The following CTSA variants were observed in gnomAD, a reference collection of about 807,000 sequenced individuals.
The protein encoded by CTSA is lysosomal protective protein.
A neutral mutation model predicts 66.7 loss-of-function variants in CTSA; 42 were observed. The ratio of observed to expected loss-of-function variants is 0.63; its 90% CI spans 0.49 to 0.81. CTSA has a LOEUF of 0.81. Among genes scored for constraint, CTSA ranks in the 40% least tolerant of loss-of-function variants. CTSA has a pLI of 0.00. For missense variants in CTSA, 525 were observed against 610.9 expected (o/e 0.86, Z 1.48); for synonymous variants, 225 against 248.6 (o/e 0.91, Z 0.89).
In CTSA at chr20:45,898,650, A is replaced by T; in HGVS notation, c.*200A>T. On this transcript the variant is annotated 3_prime_UTR_variant, in exon 15 of 15. Coordinates refer to ENST00000646241, the MANE Select transcript of CTSA (RefSeq NM_000308.4). The surrounding 1 kb of genome is among the most constrained non-coding windows in gnomAD (Gnocchi z 4.6). ...GGGCAAGTTAGCACTTTATTCCCGCAGCAGTTCCTGAATGGGGTGGCCTGG... is the reference window on the plus strand; with the variant it reads ...GGGCAAGTTAGCACTTTATTCCCGCTGCAGTTCCTGAATGGGGTGGCCTGG... 1 of 692,446 alleles carries T rather than the reference A, an allele frequency of 1.4e-6. No homozygotes were observed. The highest frequency in any genetic ancestry group is 1.6e-5 in the South Asian group (1 of 61,260). The allele number at this position is 692,446 out of a possible 1,614,324, so 42.9% of individuals were successfully genotyped here.
In CTSA at chr20:45,893,916, G is replaced by C; in HGVS notation, c.693-72G>C. On this transcript the variant is annotated intron_variant, in intron 7 of 14. Coordinates refer to ENST00000646241, the MANE Select transcript of CTSA (RefSeq NM_000308.4). ...GTCAGGGAGGTTGGTGGGAGGTGGG[G>C]GGTATGCTCGCCTCCTCTGCCTTCC... 3 of 905,864 alleles carry C rather than the reference G, an allele frequency of 3.3e-6. No individual in the cohort carries two copies. In the South Asian group the frequency reaches 3.9e-5, roughly 12 times the overall value. 56.1% of individuals were successfully genotyped at this position (905,864 alleles called of 1,614,324 possible).
intron 11 of CTSA, 72 bp downstream of exon 11, chr20:45,895,205 A>G: frequency 6.3e-7 from 1 of 1,582,192 alleles, no homozygotes; most frequent in Non-Finnish European, 8.7e-7. Flanking sequence ...CAGGTTTCTC[A>G]GGGATCTTCT....
At chr20:45,895,250 A>T in intron 11 of CTSA, 117 bp downstream of exon 11, 10 of 1,188,984 alleles carry the variant, frequency 8.4e-6, no homozygotes, top group East Asian at 7.3e-5. Context: ...GCTGTAGAGG[A>T]TGTTTAACAT....
rs1160748796 is a variant in CTSA, at chr20:45,898,264, G to A, written c.1360-103G>A. 7.5e-7 allele frequency: 1 copy of A among 1,335,858 alleles called. No individual in the cohort carries two copies. Among genetic ancestry groups the A allele is most frequent in the Non-Finnish European group, 1.1e-6 (1 of 947,644 alleles). The allele number at this position is 1,335,858 out of a possible 1,614,324, so 82.8% of individuals were successfully genotyped here. On this transcript the variant is annotated intron_variant, in intron 14 of 14. Coordinates refer to ENST00000646241, the MANE Select transcript of CTSA (RefSeq NM_000308.4). The surrounding 1 kb of genome is among the most constrained non-coding windows in gnomAD (Gnocchi z 4.6). ...TTTGGAGAGGGGTGGGGAGGGTTCT[G>A]GGAAGAATAAAGGGTTTGGGATGAA...
rs2083117659 is a variant in CTSA, at chr20:45,897,013, C to T, written c.1137C>T (p.Ser379=). ...QYRRLYRSMN[S]QYLKLLSSQK... ...GCCGTCTCTACCGAAGCATGAACTC[C>T]CAGTATCTGAAGCTGCTTAGCTCAC... The change falls in exon 12 of 15, where the codon TCC becomes TCT. Residue 379 remains serine (S), a synonymous_variant. Transcript: ENST00000646241. The T allele has an allele frequency of 1.2e-6, 2 of 1,613,926 alleles. No homozygotes were observed. The highest frequency in any genetic ancestry group is 1.7e-5 in the Admixed American group (1 of 60,002).
chr20:45,894,206 C>G (rs1442007852), intron 8 of CTSA, 134 bp downstream of exon 8: 2 of 746,186 alleles, frequency 2.7e-6, no homozygotes, highest in Non-Finnish European at 4.8e-6. Context: ...TTAGTGTTCT[C>G]TGGGACATGT....
intron 8 of CTSA, 137 bp from the exon 9 acceptor site, chr20:45,894,513 G>A (rs1351611731): frequency 7.6e-6 from 6 of 793,760 alleles, no homozygotes; most frequent in African/African-American, 6.7e-5. Context: ...TCCTGCCACT[G>A]AGCCTCAGTT....
At position 45,895,194 on chromosome 20, in the gene CTSA, G is replaced by C. The variant is rs141045499; in HGVS notation, c.1088+61G>C. 592 of 1,606,038 alleles carry C rather than the reference G, an allele frequency of 3.7e-4. 6 individuals carry two copies. The East Asian group carries it at 9.6e-3, about 26-fold the overall frequency. On this transcript the variant is annotated intron_variant, in intron 11 of 14. Transcript: ENST00000646241. ...GGGTTGCTGGGGCTTGTGGGCATCGGCAGGTTTCTCAGGGATCTTCTGTGT... is the reference window on the plus strand; with the variant it reads ...GGGTTGCTGGGGCTTGTGGGCATCGCCAGGTTTCTCAGGGATCTTCTGTGT...
Position 45,898,100 on chromosome 20 carries a change from C to G in CTSA, c.1350C>G (p.Leu450=), listed in dbSNP as rs1254398044. 5.6e-6 allele frequency: 9 copies of G among 1,613,844 alleles called. No individual in the cohort carries two copies. The Admixed American group carries it at 1.5e-4, about 27-fold the overall frequency. The change falls in exon 14 of 15, where the codon CTC becomes CTG. Residue 450 remains leucine, a synonymous_variant. Transcript: ENST00000646241. This position sits in a 1 kb window ranked among gnomAD's most constrained non-coding sequence, Gnocchi z 4.6. Reference sequence around the variant, plus strand: ...AGGAGTTCTCCCACATCGCCTTTCTCACGATCAAGGTAGGGACTGGGCCTG... The same window carrying G: ...AGGAGTTCTCCCACATCGCCTTTCTGACGATCAAGGTAGGGACTGGGCCTG... ...FVKEFSHIAF[L]TIKGAGHMVP... is the part of the protein sequence containing the mutation.
chr20:45,893,162 G>T, intron 6 of CTSA, 58 bp from the exon 7 acceptor site: 3 of 1,442,956 alleles, frequency 2.1e-6, no homozygotes, highest in Non-Finnish European at 2.9e-6. Context: ...GTGGTAGGGT[G>T]AGGGAGGCTC....
At chr20:45,892,996 C>CCA in intron 6 of CTSA, 116 bp downstream of exon 6, 1 of 1,240,322 alleles carries the variant, frequency 8.1e-7, no homozygotes, top group Non-Finnish European at 1.2e-6. Flanking sequence ...CATAACCTCC[C>CCA]CACCACCGGC....
At chr20:45,897,694 A>G in intron 12 of CTSA, 23 bp from the exon 13 acceptor site, 2 of 1,498,108 alleles carry the variant, frequency 1.3e-6, no homozygotes, top group Non-Finnish European at 1.9e-6. Context: ...CACACCCCTC[A>G]TTTTTACCCC....
chr20:45,893,470 C>T, intron 7 of CTSA, 159 bp downstream of exon 7: 2 of 618,320 alleles, frequency 3.2e-6, no homozygotes, highest in Non-Finnish European at 5.8e-6. Flanking sequence ...GAATAGAGAT[C>T]AGTTTTTCTT....
intron 6 of CTSA, 23 bp from the exon 7 acceptor site, chr20:45,893,197 T>C (rs1476503508): frequency 6.2e-7 from 1 of 1,602,178 alleles, no homozygotes; most frequent in Admixed American, 1.7e-5. Flanking sequence ...CCACATGAGC[T>C]GAGCACCCTG....
rs1248363692 is a variant in CTSA at position 45,898,393 on chromosome 20, C to T, written c.1386C>T (p.Asp462=). ...GCGCCGGCCACATGGTTCCCACCGA[C>T]AAGCCCCTCGCTGCCTTCACCATGT... is the stretch of plus-strand genomic sequence containing the variant. ...IKGAGHMVPT[D]KPLAAFTMFS... Residue 462 remains aspartate, a synonymous_variant, in exon 15 of 15, where the codon GAC becomes GAT. Transcript: ENST00000646241. The surrounding 1 kb of genome is among the most constrained non-coding windows in gnomAD (Gnocchi z 4.6). 4 of 1,613,938 alleles carry T rather than the reference C, an allele frequency of 2.5e-6. No homozygotes were observed. In the South Asian group the frequency reaches 4.4e-5, roughly 18 times the overall value.
At chr20:45,895,522 A>G (rs1208410135) in intron 11 of CTSA, among the ~76,000 whole-genome samples, 2 of 151,990 alleles carry the variant, frequency 1.3e-5, no homozygotes, top group Non-Finnish European at 2.9e-5. Flanking sequence ...CACATTGCTC[A>G]GGCTGGTTTT....
At position 45,892,395 on chromosome 20, in the gene CTSA, T is replaced by A. The variant is rs771152372; in HGVS notation, c.358-3T>A. 6.2e-7 allele frequency: 1 copy of A among 1,614,020 alleles called. No homozygotes were observed. On this transcript the variant is annotated splice_polypyrimidine_tract_variant and splice_region_variant and intron_variant, in intron 4 of 14. Coordinates refer to ENST00000646241, the MANE Select transcript of CTSA (RefSeq NM_000308.4). ...ATTTAGCTAATTTTTCCCTCCCCTC[T>A]AGATTGCCAATGTGTTATACCTGGA...
rs1299171203 is a variant in CTSA at position 45,891,425 on chromosome 20, G to C, written c.-1+46G>C. The C allele has an allele frequency of 2.6e-6, 4 of 1,551,304 alleles. No individual in the cohort carries two copies. The highest frequency in any genetic ancestry group is 3.5e-6 in the Non-Finnish European group (4 of 1,148,042). On this transcript the variant is annotated intron_variant, in intron 1 of 14. Coordinates refer to ENST00000646241, the MANE Select transcript of CTSA (RefSeq NM_000308.4). This position sits in a 1 kb window ranked among gnomAD's most constrained non-coding sequence, Gnocchi z 4.6. The stretch of plus-strand genomic sequence containing the variant: ...GGAGGGGATCCCCGAGCCCGGGATC[G>C]GTGCGCGGCAGAGGAGGCTCGCGGG...
chr20:45,898,579 C>T lies in CTSA; in HGVS notation c.*129C>T. 2 of 910,826 alleles carry T rather than the reference C, an allele frequency of 2.2e-6. No individual in the cohort carries two copies. Among genetic ancestry groups the T allele is most frequent in the South Asian group, 1.4e-5 (1 of 71,436 alleles). 56.4% of individuals were successfully genotyped at this position (910,826 alleles called of 1,614,324 possible). A position where few individuals can be genotyped will look rare whatever the true frequency, so the allele number is the denominator to read the frequency against. On this transcript the variant is annotated 3_prime_UTR_variant, in exon 15 of 15. Transcript: ENST00000646241. The surrounding 1 kb of genome is among the most constrained non-coding windows in gnomAD (Gnocchi z 4.6). ...GCCAGGACTGCCCCCTTCCCAGAGCCCTGTACATCCCAGACTGGGCCCAGG... is the reference window on the plus strand; with the variant it reads ...GCCAGGACTGCCCCCTTCCCAGAGCTCTGTACATCCCAGACTGGGCCCAGG...
Sources: gnomAD v4.1 joint callset for allele counts (sites outside exome capture counted in the v4.1 genomes callset) on GRCh38, gnomAD v4.1.1 for gene constraint, Gnocchi (gnomAD v3.1) non-coding constraint, MANE v1.5 for transcripts, NCBI Gene and HGNC (gene_info 2026-07-23, HGNC 2026-07-21) for gene names.